SETD3: variants seen among roughly 807,000 people sequenced by gnomAD.
SETD3 encodes the protein actin-histidine N-methyltransferase.
A neutral mutation model predicts 63.0 loss-of-function variants in SETD3; 19 were observed. The observed-to-expected ratio is 0.30, with a 90% confidence interval of 0.21 to 0.44. The LOEUF (loss-of-function observed/expected upper bound fraction) is 0.44, where lower values mean the gene tolerates loss of function less well. SETD3 is among the 20% of genes least tolerant of loss of function. The pLI, the probability that SETD3 is intolerant of heterozygous loss-of-function variation, is 1.00. For missense variants in SETD3, 587 were observed against 728.5 expected (o/e 0.81, Z 2.24); for synonymous variants, 286 against 264.1 (o/e 1.08, Z -0.80).
chr14:99,417,253 G>C (rs1431429872), intron 6 of SETD3, among the ~76,000 whole-genome samples: 2 of 152,146 alleles, frequency 1.3e-5, no homozygotes, highest in African/African-American at 4.8e-5. Flanking sequence ...CAATATTCCG[G>C]CTTTAAAAAA....
chr14:99,462,771 A>G (rs1438495669), intron 3 of SETD3, among the ~76,000 whole-genome samples: 1 of 152,224 alleles, frequency 6.6e-6, no homozygotes, highest in Non-Finnish European at 1.5e-5. Context: ...GAAGAGCAAT[A>G]AAACCACTAC....
chr14:99,406,420 T>C lies in SETD3; in HGVS notation c.924+96A>G, dbSNP rs567893042. On this transcript the variant is annotated intron_variant, in intron 9 of 12. Transcript: ENST00000331768. ...TCCTCAATGTGAATTCCACATTTTTTCCCCTAAGTTAAGTTCCTTTTTAAG... is the reference window on the plus strand; with the variant it reads ...TCCTCAATGTGAATTCCACATTTTTCCCCCTAAGTTAAGTTCCTTTTTAAG... 4,732 of 1,101,868 alleles carry C rather than the reference T, an allele frequency of 4.3e-3. 13 individuals are homozygous for C. The highest frequency in any genetic ancestry group is 5.8e-3 in the Non-Finnish European group (4,199 of 728,972). 68.3% of individuals were successfully genotyped at this position (1,101,868 alleles called of 1,614,324 possible). A position where few individuals can be genotyped will look rare whatever the true frequency, so the allele number is the denominator to read the frequency against.
intron 6 of SETD3, among the ~76,000 whole-genome samples, chr14:99,443,377 G>A (rs973442878): frequency 3.4e-5 from 5 of 149,002 alleles, no homozygotes; most frequent in African/African-American, 5.0e-5. Flanking sequence ...TCAGCCTCTT[G>A]AGTAGCTGGG....
At chr14:99,461,506 C>T (rs1895060066) in intron 3 of SETD3, among the ~76,000 whole-genome samples, 166 bp from the exon 4 acceptor site, 1 of 152,198 alleles carries the variant, frequency 6.6e-6, no homozygotes, top group African/African-American at 2.4e-5. Flanking sequence ...CATACCTTAA[C>T]TGGTGACAGG....
intron 1 of SETD3, among the ~76,000 whole-genome samples, chr14:99,480,308 G>C (rs1313350247): frequency 6.6e-6 from 1 of 152,070 alleles, no homozygotes; most frequent in African/African-American, 2.4e-5. Context: ...ACTAGCGCGA[G>C]GGGCCCGGGC....
At chr14:99,474,448 G>C (rs1033858738) in intron 1 of SETD3, among the ~76,000 whole-genome samples, 1 of 152,206 alleles carries the variant, frequency 6.6e-6, no homozygotes, top group African/African-American at 2.4e-5. Flanking sequence ...AACTACTTAA[G>C]TACCAAGATG....
At chr14:99,467,920 C>T (rs1188994595) in intron 1 of SETD3, among the ~76,000 whole-genome samples, 1 of 152,172 alleles carries the variant, frequency 6.6e-6, no homozygotes, top group Non-Finnish European at 1.5e-5. Context: ...ATTGATGTAA[C>T]AGCAGCTGTT....
chr14:99,410,289 A>T (rs758097386), intron 8 of SETD3: 10 of 1,609,730 alleles, frequency 6.2e-6, no homozygotes, highest in Non-Finnish European at 7.6e-6. Flanking sequence ...GGTTGTTCGG[A>T]GAGACTTGTC....
At chr14:99,417,041 G>T (rs1436467688) in intron 6 of SETD3, among the ~76,000 whole-genome samples, 6 of 152,206 alleles carry the variant, frequency 3.9e-5, no homozygotes, top group African/African-American at 1.4e-4. Flanking sequence ...TGCTAAATAT[G>T]TAAGTATGAC....
chr14:99,429,247 C>A (rs1386907845), intron 6 of SETD3, among the ~76,000 whole-genome samples: 1 of 151,678 alleles, frequency 6.6e-6, no homozygotes, highest in Non-Finnish European at 1.5e-5. Flanking sequence ...TTCACAGGAA[C>A]CAAACATATT....
chr14:99,417,394 T>C (rs1221234180), intron 6 of SETD3, among the ~76,000 whole-genome samples: 1 of 152,248 alleles, frequency 6.6e-6, no homozygotes, highest in Non-Finnish European at 1.5e-5. Flanking sequence ...TAAATACCCT[T>C]GGAAAAAGTC....
intron 1 of SETD3, among the ~76,000 whole-genome samples, chr14:99,470,333 T>C (rs1486472128): frequency 1.3e-5 from 2 of 152,352 alleles, no homozygotes; most frequent in South Asian, 2.1e-4. Context: ...AGTTGGCTTA[T>C]ATTGGGATTC....
intron 4 of SETD3, among the ~76,000 whole-genome samples, chr14:99,459,908 A>G (rs1438822454): frequency 2.0e-5 from 3 of 152,190 alleles, no homozygotes; most frequent in East Asian, 3.8e-4. Context: ...TTGGACATTC[A>G]GCCTCCAAAT....
chr14:99,458,420 G>T lies in SETD3; in HGVS notation c.534C>A (p.Thr178=), dbSNP rs1379220067. 6.2e-7 allele frequency: 1 copy of T among 1,614,088 alleles called. No homozygotes were observed. Among genetic ancestry groups the T allele is most frequent in the East Asian group, 2.2e-5 (1 of 44,870 alleles). Residue 178 remains threonine, a synonymous_variant, in exon 6 of 13, where the codon ACC becomes ACA. Coordinates refer to ENST00000331768, the MANE Select transcript of SETD3 (RefSeq NM_032233.3). ...PNSFWQPYIQ[T]LPSEYDTPLY... ...GAGGAGTGTCATATTCACTGGGGAG[G>T]GTTTGAATATAGGGCTGCCAGAAGG...
chr14:99,458,134 G>A (rs903087401), intron 6 of SETD3, 145 bp downstream of exon 6: 26 of 967,810 alleles, frequency 2.7e-5, no homozygotes, highest in South Asian at 1.2e-4. Flanking sequence ...AAAAACAAAC[G>A]ATGAAATGTA....
chr14:99,456,702 C>G (rs1371831545), intron 6 of SETD3, among the ~76,000 whole-genome samples: 1 of 152,006 alleles, frequency 6.6e-6, no homozygotes, highest in Non-Finnish European at 1.5e-5. Flanking sequence ...AACAAATTGA[C>G]AAAAAATGGT....
intron 6 of SETD3, among the ~76,000 whole-genome samples, chr14:99,440,425 C>T (rs563387157): frequency 1.9e-3 from 285 of 152,190 alleles, no homozygotes; most frequent in African/African-American, 6.5e-3. Flanking sequence ...ACTACACGTG[C>T]GAAGTGGAAA....
upstream of SETD3, among the ~76,000 whole-genome samples, chr14:99,483,411 G>A (rs1896405023): frequency 6.6e-6 from 1 of 152,132 alleles, no homozygotes; most frequent in African/African-American, 2.4e-5. Flanking sequence ...AAATTAGCCA[G>A]ATGTGGAGGT....
chr14:99,463,393 G>A (rs1453771793), intron 3 of SETD3, 93 bp downstream of exon 3: 1 of 902,700 alleles, frequency 1.1e-6, no homozygotes, highest in Non-Finnish European at 1.7e-6. Flanking sequence ...TGACACCAAT[G>A]ATGCTGAGAC....
Sources: allele counts gnomAD v4.1 joint callset (sites outside exome capture counted in the v4.1 genomes callset), GRCh38; gene constraint gnomAD v4.1.1; transcripts MANE v1.5; gene names NCBI Gene and HGNC (gene_info 2026-07-23, HGNC 2026-07-21).